HSD17B12: variants seen among roughly 807,000 people sequenced by gnomAD.
HSD17B12 encodes the protein hydroxysteroid 17-beta dehydrogenase 12, also known as very-long-chain 3-oxoacyl-CoA reductase.
A neutral mutation model predicts 39.3 loss-of-function variants in HSD17B12; 32 were observed. The observed-to-expected ratio is 0.81, with a 90% confidence interval of 0.61 to 1.09. HSD17B12 has a LOEUF of 1.09. Among genes scored for constraint, HSD17B12 ranks in the 50% least tolerant of loss-of-function variants. The pLI is 0.00. For missense variants in HSD17B12, 342 were observed against 382.9 expected (o/e 0.89, Z 0.89); for synonymous variants, 150 against 146.7 (o/e 1.02, Z -0.16).
At chr11:43,585,137 G>T in the HSD17B12 span, among the ~76,000 whole-genome samples, 1 of 152,228 alleles carries the variant, frequency 6.6e-6, no homozygotes, top group African/African-American at 2.4e-5. Flanking sequence ...CTTAACTGGA[G>T]TTCGGCCTAG....
At chr11:43,557,839 T>C in the HSD17B12 span, among the ~76,000 whole-genome samples, 1 of 151,996 alleles carries the variant, frequency 6.6e-6, no homozygotes, top group Non-Finnish European at 1.5e-5. Context: ...GGGTTGGCCT[T>C]CCTGCTTTGA....
At chr11:43,582,175 G>C in the HSD17B12 span, among the ~76,000 whole-genome samples, 21 of 152,176 alleles carry the variant, frequency 1.4e-4, no homozygotes, top group African/African-American at 5.1e-4. Context: ...TAAGTAGCAC[G>C]GAAGGGGGTA....
intron 1 of HSD17B12, among the ~76,000 whole-genome samples, chr11:43,696,306 C>T (rs947142721): frequency 1.3e-5 from 2 of 152,098 alleles, no homozygotes; most frequent in South Asian, 2.1e-4. Context: ...CCGGAATCTA[C>T]AAGCAAGTTA....
chr11:43,653,895 T>TA, the HSD17B12 span, among the ~76,000 whole-genome samples: 2 of 152,244 alleles, frequency 1.3e-5, no homozygotes, highest in African/African-American at 2.4e-5. Context: ...GCATGATTTA[T>TA]AATCCTATGT....
chr11:43,821,882 C>T (rs796385071), intron 6 of HSD17B12, among the ~76,000 whole-genome samples: 5 of 152,246 alleles, frequency 3.3e-5, no homozygotes, highest in African/African-American at 1.2e-4. Context: ...CTTTTTTATT[C>T]GCAATTTTCA....
chr11:43,577,818 A>G, the HSD17B12 span, among the ~76,000 whole-genome samples: 2 of 152,250 alleles, frequency 1.3e-5, no homozygotes, highest in Non-Finnish European at 1.5e-5. Context: ...GGCGCCTTAA[A>G]GCCAAAAGCT....
At chr11:43,628,060 G>A in the HSD17B12 span, among the ~76,000 whole-genome samples, 1 of 147,640 alleles carries the variant, frequency 6.8e-6, no homozygotes, top group Non-Finnish European at 1.5e-5. Context: ...CTTTTTTTTG[G>A]TCAGTTTCCT....
intron 4 of HSD17B12, among the ~76,000 whole-genome samples, chr11:43,814,025 A>G (rs938130828): frequency 4.6e-5 from 7 of 152,218 alleles, no homozygotes; most frequent in Non-Finnish European, 1.0e-4. Context: ...TCAGGTTTAT[A>G]TGGCATAATT....
chr11:43,810,603 T>G (rs745783892), intron 4 of HSD17B12, among the ~76,000 whole-genome samples: 131 of 152,184 alleles, frequency 8.6e-4, no homozygotes, highest in Middle Eastern at 6.8e-3. Flanking sequence ...TCCTTTGGCA[T>G]TATTCTTGGT....
At chr11:43,668,985 C>T in the HSD17B12 span, among the ~76,000 whole-genome samples, 1 of 152,142 alleles carries the variant, frequency 6.6e-6, no homozygotes, top group African/African-American at 2.4e-5. Context: ...TGAGCCACTG[C>T]ACCTGGCTGT....
the HSD17B12 span, among the ~76,000 whole-genome samples, chr11:43,638,612 A>T: frequency 6.6e-6 from 1 of 152,232 alleles, no homozygotes; most frequent in African/African-American, 2.4e-5. Flanking sequence ...GGCAGCATTG[A>T]TGGTTCCAGC....
intron 4 of HSD17B12, among the ~76,000 whole-genome samples, chr11:43,811,115 A>C (rs1426027033): frequency 6.6e-6 from 1 of 152,114 alleles, no homozygotes; most frequent in East Asian, 1.9e-4. Context: ...TTCCTTTTGC[A>C]ATTCCCTGAA....
At chr11:43,774,062 G>A (rs1016212503) in intron 3 of HSD17B12, among the ~76,000 whole-genome samples, 9 of 152,268 alleles carry the variant, frequency 5.9e-5, no homozygotes, top group African/African-American at 2.2e-4. Context: ...AATGATCTAA[G>A]TGGGCTGGGG....
intron 3 of HSD17B12, among the ~76,000 whole-genome samples, chr11:43,785,528 C>G (rs1339816236): frequency 1.3e-5 from 2 of 152,116 alleles, no homozygotes; most frequent in Non-Finnish European, 2.9e-5. Context: ...TAGTCTAAAA[C>G]ATAGTTAGAT....
chr11:43,765,678 G>A (rs1392763187), intron 3 of HSD17B12, among the ~76,000 whole-genome samples: 1 of 151,892 alleles, frequency 6.6e-6, no homozygotes, highest in Non-Finnish European at 1.5e-5. Flanking sequence ...TTCTCTCTGT[G>A]TTTCATTTTT....
At chr11:43,719,876 G>GTCCA (rs1950160713) in intron 1 of HSD17B12, among the ~76,000 whole-genome samples, 1 of 151,986 alleles carries the variant, frequency 6.6e-6, no homozygotes, top group African/African-American at 2.4e-5. Flanking sequence ...TTCTCTTTTA[G>GTCCA]TCCAAACTGG....
In HSD17B12 at chr11:43,777,515, A is replaced by G. The variant is rs544774488; in HGVS notation, c.284-20805A>G. Reference sequence around the variant, plus strand: ...CTTAAGGAGATTTTGGGCTGAGACAATGGGGTTTTCTAGATATACAATCAT... The same window carrying G: ...CTTAAGGAGATTTTGGGCTGAGACAGTGGGGTTTTCTAGATATACAATCAT... On this transcript the variant is annotated intron_variant, in intron 3 of 10. Coordinates refer to ENST00000278353, the MANE Select transcript of HSD17B12 (RefSeq NM_016142.3). 1.5e-3 allele frequency among the ~76,000 whole-genome samples: 234 copies of G among 152,220 alleles called. 2 individuals carry two copies. The highest frequency in any genetic ancestry group is 9.7e-4 in the East Asian group (5 of 5,172).
intron 3 of HSD17B12, among the ~76,000 whole-genome samples, chr11:43,788,902 T>C (rs1425514225): frequency 6.6e-6 from 1 of 152,152 alleles, no homozygotes; most frequent in African/African-American, 2.4e-5. Context: ...TCTTAATAAC[T>C]TTTGAATGAG....
chr11:43,841,234 G>A (rs1334443516), intron 9 of HSD17B12, among the ~76,000 whole-genome samples: 2 of 152,016 alleles, frequency 1.3e-5, no homozygotes, highest in African/African-American at 2.4e-5. Context: ...CGTGTTGTTT[G>A]GTTTCTTGTC....
Sources: gnomAD v4.1 joint callset for allele counts (sites outside exome capture counted in the v4.1 genomes callset) on GRCh38, gnomAD v4.1.1 for gene constraint, MANE v1.5 for transcripts, NCBI Gene and HGNC (gene_info 2026-07-23, HGNC 2026-07-21) for gene names.